LYST: variants seen among roughly 807,000 people sequenced by gnomAD.
LYST encodes lysosomal trafficking regulator.
In LYST, 192 loss-of-function variants were observed where a neutral mutation model predicts 413.6. The observed-to-expected ratio is 0.46, with a 90% CI of 0.41 to 0.52. The LOEUF is 0.52. Among genes scored for constraint, LYST ranks in the 20% least tolerant of loss-of-function variants. The pLI, the probability that LYST is intolerant of heterozygous loss-of-function variation, is 0.00. For missense variants in LYST, 3,815 were observed against 4,499.9 expected (o/e 0.85, Z 4.35); for synonymous variants, 1,525 against 1,567.3 (o/e 0.97, Z 0.64).
At chr1:235,869,994 T>G (rs538195705), upstream of LYST, among the ~76,000 whole-genome samples, 1 of 152,270 alleles carries the variant, frequency 6.6e-6, no homozygotes, top group East Asian at 1.9e-4. Flanking sequence ...CTCCACGTCT[T>G]TGCTCAAATT....
intron 1 of LYST, among the ~76,000 whole-genome samples, chr1:235,857,726 CACAA>C (rs1679355817): frequency 7.1e-6 from 1 of 141,494 alleles, no homozygotes; most frequent in Admixed American, 7.5e-5. Flanking sequence ...CGTATATATA[CACAA>C]ACATATGTAA....
intron 3 of LYST, chr1:235,828,838 A>G (rs538965590): frequency 1.3e-6 from 1 of 747,974 alleles, no homozygotes; most frequent in African/African-American, 1.9e-5. Flanking sequence ...TATTTACAGA[A>G]AAGTCATACA....
chr1:235,878,738 GT>G (rs1553329918), intron 1 of LYST, among the ~76,000 whole-genome samples: 3 of 152,164 alleles, frequency 2.0e-5, no homozygotes, highest in Non-Finnish European at 4.4e-5. Context: ...GAGAGCAAGG[GT>G]TTCCTGATGG....
At chr1:235,748,990 A>C (rs1285609756) in intron 28 of LYST, among the ~76,000 whole-genome samples, 1 of 146,666 alleles carries the variant, frequency 6.8e-6, no homozygotes, top group Non-Finnish European at 1.5e-5. Flanking sequence ...CAAATGCTAA[A>C]TGAATCTATT....
At chr1:235,838,494 G>C (rs1278018733) in intron 1 of LYST, among the ~76,000 whole-genome samples, 1 of 152,116 alleles carries the variant, frequency 6.6e-6, no homozygotes, top group Non-Finnish European at 1.5e-5. Flanking sequence ...AGCCTTTATT[G>C]CTCATCTTTT....
chr1:235,875,754 G>A (rs1260882997), intron 1 of LYST, among the ~76,000 whole-genome samples: 1 of 152,136 alleles, frequency 6.6e-6, no homozygotes, highest in Admixed American at 6.5e-5. Flanking sequence ...TGAGGCAGGA[G>A]GATGGCTTGA....
chr1:235,749,789 AT>A (rs906796022), intron 28 of LYST, among the ~76,000 whole-genome samples: 7 of 152,236 alleles, frequency 4.6e-5, no homozygotes, highest in South Asian at 2.1e-4. Flanking sequence ...CTAAAAAAAA[AT>A]AATAAACTTG....
Position 235,664,635 on chromosome 1 carries a change from A to G in LYST, c.11039-14T>C. The G allele has an allele frequency of 6.2e-7, 1 of 1,613,690 alleles. No homozygotes were observed. The highest frequency in any genetic ancestry group is 8.5e-7 in the Non-Finnish European group (1 of 1,179,734). ...TGCCTCCGCCAGCTAAAACACCCAA[A>G]TCATCCGGCGGGTTACCAGAATGTG... is the stretch of plus-strand genomic sequence containing the variant. On this transcript the variant is annotated splice_polypyrimidine_tract_variant and intron_variant, in intron 50 of 52. Transcript: ENST00000389793. The surrounding 1 kb of genome is among the most constrained non-coding windows in gnomAD (Gnocchi z 4.5).
Position 235,720,650 on chromosome 1 carries a change from T to C in LYST, c.9560+11A>G. The C allele has an allele frequency of 1.2e-6, 2 of 1,613,310 alleles. No individual in the cohort carries two copies. The highest frequency in any genetic ancestry group is 8.5e-7 in the Non-Finnish European group (1 of 1,179,316). ...GGATGAACCCTAAAGGTGATGATTC[T>C]TTTAACTTACCTGTATATCAACAGA... On this transcript the variant is annotated intron_variant, in intron 40 of 52. Transcript: ENST00000389793.
rs1029215093 is a variant in LYST, at chr1:235,781,928, G to A, written c.5022C>T (p.Asn1674=). Residue 1674 remains asparagine, a splice_region_variant and synonymous_variant, in exon 15 of 53, where the codon AAC becomes AAT. Coordinates refer to ENST00000389793, the MANE Select transcript of LYST (RefSeq NM_000081.4). ...GTGGTGCAATCATAGCTCACTCACC[G>A]TTGAAGAGAAGCAAATTTCCCAGGT... ...KWDLGNLLLF[N]GAKVGSQEAF... The A allele has an allele frequency of 1.6e-5, 25 of 1,606,606 alleles. No homozygotes were observed. The highest frequency in any genetic ancestry group is 3.3e-5 in the South Asian group (3 of 90,964).
rs778490429 is a variant in LYST, at chr1:235,744,007, T to TA, written c.8122dup (p.Tyr2708LeufsTer14). 6.7e-7 allele frequency: 1 copy of TA among 1,503,746 alleles called. No homozygotes were observed. Among genetic ancestry groups the TA allele is most frequent in the Non-Finnish European group, 9.2e-7 (1 of 1,081,218 alleles). The allele number at this position is 1,503,746 out of a possible 1,614,324, so 93.2% of individuals were successfully genotyped here. ...AGATACTTTGAATCCTTCTACCAGA[T>TA]ATGTAAAAATTTCTTTCTGAAATGG... On this transcript the variant is annotated frameshift_variant, in exon 30 of 53. Coordinates refer to ENST00000389793, the MANE Select transcript of LYST (RefSeq NM_000081.4). LOFTEE classifies it high-confidence loss of function.
At chr1:235,866,061 T>C (rs749110313) in intron 1 of LYST, among the ~76,000 whole-genome samples, 1 of 152,158 alleles carries the variant, frequency 6.6e-6, no homozygotes, top group Non-Finnish European at 1.5e-5. Context: ...AGAATTAGCG[T>C]TAAGGAAACG....
At chr1:235,688,748 G>A (rs1660400297) in intron 47 of LYST, among the ~76,000 whole-genome samples, 1 of 152,018 alleles carries the variant, frequency 6.6e-6, no homozygotes, top group African/African-American at 2.4e-5. Context: ...ACTTTGGGAG[G>A]CCGAGGCGGG....
At position 235,791,727 on chromosome 1, in the gene LYST, A is replaced by C; in HGVS notation, c.4515T>G (p.Ile1505Met). Residue 1505 changes from isoleucine (I) to methionine (M), a missense_variant, in exon 12 of 53, where the codon ATT (isoleucine) becomes ATG (methionine). Around this residue, in one of 4 missense-constraint regions of LYST, gnomAD observed 1,648 missense variants for 1,810.3 expected, o/e 0.91. Coordinates refer to ENST00000389793, the MANE Select transcript of LYST (RefSeq NM_000081.4). Reference protein sequence around the residue: ...KKIKKRNKSLILPDSSFDGTE... With the variant: ...KKIKKRNKSLMLPDSSFDGTE... ...TACCATCAAAACTGCTATCTGGTAA[A>C]ATTAATGATTTGTTTCTTTTCTTTA... 6.2e-7 allele frequency: 1 copy of C among 1,613,224 alleles called. No homozygotes were observed. The highest frequency in any genetic ancestry group is 8.5e-7 in the Non-Finnish European group (1 of 1,179,298).
At position 235,686,937 on chromosome 1, in the gene LYST, C is replaced by G; in HGVS notation, c.10800+12G>C. On this transcript the variant is annotated intron_variant, in intron 48 of 52. Coordinates refer to ENST00000389793, the MANE Select transcript of LYST (RefSeq NM_000081.4). The surrounding 1 kb of genome is among the most constrained non-coding windows in gnomAD (Gnocchi z 4.0). The stretch of plus-strand genomic sequence containing the variant: ...AAGTCCCATACTACCCACACAGAAG[C>G]CCAGAACCTACCGTGCTGCTTGTAA... 1 of 1,608,534 alleles carries G rather than the reference C, an allele frequency of 6.2e-7. No homozygotes were observed. The highest frequency in any genetic ancestry group is 1.3e-5 in the African/African-American group (1 of 74,930).
intron 16 of LYST, among the ~76,000 whole-genome samples, chr1:235,778,757 A>G (rs1669566330): frequency 6.6e-6 from 1 of 151,938 alleles, no homozygotes; most frequent in Admixed American, 6.6e-5. Flanking sequence ...TAAACCAATT[A>G]TACTGTCTGT....
chr1:235,855,036 T>C (rs1209623437), intron 1 of LYST, among the ~76,000 whole-genome samples: 1 of 152,196 alleles, frequency 6.6e-6, no homozygotes, highest in African/African-American at 2.4e-5. Flanking sequence ...CACCCTGCAA[T>C]TCCTTCAAAG....
intron 21 of LYST, among the ~76,000 whole-genome samples, chr1:235,764,490 C>CTTTTCTTTTTTTTTTTTTTTTTT (rs1667916402): frequency 7.6e-6 from 1 of 132,012 alleles, no homozygotes; most frequent in Non-Finnish European, 1.6e-5. Context: ...CTTTTTTTTT[C>CTTTTCTTTTTTTTTTTTTTTTTT]TTTTCTTTTT....
chr1:235,751,159 A>T (rs1666455128), intron 28 of LYST, 51 bp downstream of exon 28: 1 of 1,544,686 alleles, frequency 6.5e-7, no homozygotes, highest in Non-Finnish European at 8.9e-7. Context: ...AACATAGGAA[A>T]GTCAAGCTAG....
Sources: allele counts gnomAD v4.1 joint callset (sites outside exome capture counted in the v4.1 genomes callset), GRCh38; gene constraint gnomAD v4.1.1; regional missense constraint gnomAD v4.1.1; non-coding constraint Gnocchi (gnomAD v3.1); transcripts MANE v1.5; gene names NCBI Gene and HGNC (gene_info 2026-07-23, HGNC 2026-07-21).